Variants in OTULINL observed in about 807,000 individuals in gnomAD.
OTULINL encodes the protein OTU deubiquitinase with linear linkage specificity like.
OTULINL carries 42 observed loss-of-function variants against 43.9 expected under a neutral mutation model. The observed-to-expected ratio is 0.96, with a 90% confidence interval of 0.75 to 1.24. The LOEUF is 1.24. OTULINL is among the 50% of genes most tolerant of loss of function. OTULINL has a pLI of 0.00. For synonymous variants in OTULINL, 172 were observed against 153.6 expected (o/e 1.12, Z -0.88); for missense variants, 411 against 426.4 (o/e 0.96, Z 0.32).
intron 1 of OTULINL, among the ~76,000 whole-genome samples, chr5:14,597,446 G>GGACC (rs1341770853): frequency 6.6e-6 from 1 of 152,180 alleles, no homozygotes; most frequent in Non-Finnish European, 1.5e-5. Flanking sequence ...GCCAGCATGG[G>GGACC]GACCATGTTG....
intron 1 of OTULINL, among the ~76,000 whole-genome samples, chr5:14,599,696 G>A (rs567175191): frequency 1.3e-5 from 2 of 152,150 alleles, no homozygotes; most frequent in Non-Finnish European, 2.9e-5. Context: ...AACCCCAGAG[G>A]TTTGGTCATT....
At chr5:14,582,416 G>C (rs1396767537) in intron 1 of OTULINL, among the ~76,000 whole-genome samples, 1 of 152,034 alleles carries the variant, frequency 6.6e-6, no homozygotes, top group Non-Finnish European at 1.5e-5. Context: ...GTTGCGTTTC[G>C]CGCCCTGCTG....
chr5:14,614,867 A>T lies in OTULINL; in HGVS notation c.*4553A>T, dbSNP rs1759645396. The T allele has an allele frequency of 2.5e-6, 1 of 397,648 alleles. No individual in the cohort carries two copies. The highest frequency in any genetic ancestry group is 4.4e-6 in the Non-Finnish European group (1 of 225,942). The allele number at this position is 397,648 out of a possible 1,614,324, so 24.6% of individuals were successfully genotyped here. On this transcript the variant is annotated 3_prime_UTR_variant, in exon 8 of 8. Transcript: ENST00000274217. The stretch of plus-strand genomic sequence containing the variant: ...GTATGTAATTGACGTATTGGTCCTT[A>T]TAGTCAGTACCATCAGGTCTTAGAT...
chr5:14,589,430 CT>C (rs958165926), intron 1 of OTULINL, among the ~76,000 whole-genome samples: 4 of 152,058 alleles, frequency 2.6e-5, no homozygotes, highest in African/African-American at 9.7e-5. Context: ...GAAGGCACTC[CT>C]CCTATTGGAG....
chr5:14,593,524 C>T (rs1216012544), intron 1 of OTULINL, among the ~76,000 whole-genome samples: 1 of 152,176 alleles, frequency 6.6e-6, no homozygotes, highest in Admixed American at 6.5e-5. Context: ...TTGGATAAAG[C>T]AGTGGCAGTG....
At chr5:14,602,367 T>A (rs201462651) in intron 5 of OTULINL, 35 bp downstream of exon 5, 1 of 1,596,122 alleles carries the variant, frequency 6.3e-7, no homozygotes, top group African/African-American at 1.3e-5. Flanking sequence ...GGAAATGTCA[T>A]GTTGACAATA....
At chr5:14,597,532 C>G (rs559027590) in intron 1 of OTULINL, among the ~76,000 whole-genome samples, 1 of 152,334 alleles carries the variant, frequency 6.6e-6, no homozygotes, top group East Asian at 1.9e-4. Flanking sequence ...CTGTAGAACA[C>G]TTAACATAGG....
At chr5:14,588,211 C>T (rs939935915) in intron 1 of OTULINL, among the ~76,000 whole-genome samples, 7 of 152,154 alleles carry the variant, frequency 4.6e-5, no homozygotes, top group East Asian at 3.8e-4. Flanking sequence ...CTGGCCCCAA[C>T]GTGACTATTC....
chr5:14,605,458 C>T (rs925934339), intron 5 of OTULINL, among the ~76,000 whole-genome samples: 6 of 152,156 alleles, frequency 3.9e-5, no homozygotes, highest in Non-Finnish European at 5.9e-5. Context: ...GTCCTGGAGA[C>T]ATTTTCCTCA....
In OTULINL at chr5:14,613,025, C is replaced by T. The variant is rs563742050; in HGVS notation, c.*2711C>T. ...GCAACCTCTACCTCCCAGGTTCAAG[C>T]GATTCTCCTGCCTCAGCCTCCCGAG... is the stretch of plus-strand genomic sequence containing the variant. On this transcript the variant is annotated 3_prime_UTR_variant, in exon 8 of 8. Transcript: ENST00000274217. Among the ~76,000 whole-genome samples the T allele has an allele frequency of 1.2e-4, 18 of 152,208 alleles. No individual in the cohort carries two copies. The highest frequency in any genetic ancestry group is 5.9e-5 in the Non-Finnish European group (4 of 67,998).
chr5:14,583,351 C>T (rs1331887060), intron 1 of OTULINL, among the ~76,000 whole-genome samples: 1 of 152,162 alleles, frequency 6.6e-6, no homozygotes, highest in Non-Finnish European at 1.5e-5. Flanking sequence ...CTTTCTGCAC[C>T]TTGGGTTATT....
chr5:14,604,945 AT>A (rs1759447768), intron 5 of OTULINL, among the ~76,000 whole-genome samples: 1 of 152,124 alleles, frequency 6.6e-6, no homozygotes, highest in African/African-American at 2.4e-5. Context: ...TGGTTCTACC[AT>A]TCTGGGGTCT....
rs1759400145 is a variant in OTULINL, at chr5:14,602,193, A to G, written c.359A>G (p.Glu120Gly). The G allele has an allele frequency of 6.2e-7, 1 of 1,602,910 alleles. No homozygotes were observed. The change falls in exon 5 of 8, where the codon GAG (glutamate) becomes GGG (glycine). Residue 120 changes from glutamate to glycine, a missense_variant. Glu to Gly is a moderately conservative substitution (Grantham distance 98). Transcript: ENST00000274217. ...RNKLMRKAYE[E>G]LFWRHHIKCV... ...TTTTTATTTTATTAGGCTTATGAGG[A>G]GCTATTTTGGCGGCATCACATTAAA... is the stretch of plus-strand genomic sequence containing the variant.
At chr5:14,606,341 A>G (rs1759475371) in intron 5 of OTULINL, among the ~76,000 whole-genome samples, 1 of 152,212 alleles carries the variant, frequency 6.6e-6, no homozygotes, top group South Asian at 2.1e-4. Context: ...TCCCTCCCAC[A>G]ACACATGGGA....
At chr5:14,593,944 C>A (rs917822673) in intron 1 of OTULINL, among the ~76,000 whole-genome samples, 5 of 152,156 alleles carry the variant, frequency 3.3e-5, no homozygotes, top group African/African-American at 1.2e-4. Context: ...AAGATAAAAT[C>A]CTCCCACTTG....
intron 4 of OTULINL, among the ~76,000 whole-genome samples, 189 bp downstream of exon 4, chr5:14,601,631 T>C (rs995044941): frequency 6.6e-5 from 10 of 152,238 alleles, no homozygotes; most frequent in Admixed American, 5.9e-4. Context: ...TACCTGGAGC[T>C]CGTGCCCTCA....
chr5:14,595,980 T>C (rs1484102560), intron 1 of OTULINL, among the ~76,000 whole-genome samples: 1 of 152,082 alleles, frequency 6.6e-6, no homozygotes, highest in Non-Finnish European at 1.5e-5. Flanking sequence ...GAAAAGAAAT[T>C]TCATGTTTTT....
At chr5:14,598,503 A>G (rs1759331205) in intron 1 of OTULINL, among the ~76,000 whole-genome samples, 1 of 152,226 alleles carries the variant, frequency 6.6e-6, no homozygotes. Flanking sequence ...TTATCCTATT[A>G]AAAATCTACC....
rs28588619 is a variant in OTULINL at position 14,615,876 on chromosome 5, A to G, written c.*5562A>G. On this transcript the variant is annotated 3_prime_UTR_variant, in exon 8 of 8. Coordinates refer to ENST00000274217, the MANE Select transcript of OTULINL (RefSeq NM_019018.3). ...ATTCCTCCTGTATGTCTTTACAAGC[A>G]AATTGAAACGACATGCTCTTCTTTG... Among the ~76,000 whole-genome samples, 1,309 of 152,356 alleles carry G rather than the reference A, an allele frequency of 8.6e-3. 18 individuals carry two copies. Among genetic ancestry groups the G allele is most frequent in the African/African-American group, 0.027 (1,119 of 41,578 alleles).
Sources: gnomAD v4.1 joint callset for allele counts (sites outside exome capture counted in the v4.1 genomes callset) on GRCh38, gnomAD v4.1.1 for gene constraint, MANE v1.5 for transcripts, NCBI Gene and HGNC (gene_info 2026-07-23, HGNC 2026-07-21) for gene names.